SLC12A2: variants seen among roughly 807,000 people sequenced by gnomAD.
The protein encoded by SLC12A2 is solute carrier family 12 member 2, also known as Na-K-2Cl cotransporter 1.
Under a neutral mutation model 136.3 loss-of-function variants are expected in SLC12A2, and 67 were observed. The ratio of observed to expected loss-of-function variants is 0.49; its 90% CI spans 0.40 to 0.60. SLC12A2 has a LOEUF of 0.60. SLC12A2 is among the 20% of genes least tolerant of loss of function. The pLI, the probability that SLC12A2 is intolerant of heterozygous loss-of-function variation, is 0.00. For synonymous variants in SLC12A2, 619 were observed against 562.9 expected, an observed-to-expected ratio of 1.10 and a Z score of -1.41; for missense variants, 1,322 against 1,534.7, an observed-to-expected ratio of 0.86 and a Z score of 2.32.
chr5:128,152,831 A>T (rs370152725), intron 15 of SLC12A2, 26 bp downstream of exon 15: 3 of 1,362,900 alleles, frequency 2.2e-6, no homozygotes, highest in African/African-American at 2.9e-5. Flanking sequence ...GGAAACATGG[A>T]AGCATTTTCT....
intron 16 of SLC12A2, among the ~76,000 whole-genome samples, chr5:128,161,080 A>G (rs1330646288): frequency 6.6e-6 from 1 of 152,092 alleles, no homozygotes; most frequent in Non-Finnish European, 1.5e-5. Context: ...TTATTTTTAG[A>G]TTTTTGTTTT....
chr5:128,138,447 C>G (rs760193051), intron 7 of SLC12A2, 150 bp from the exon 8 acceptor site: 13 of 636,882 alleles, frequency 2.0e-5, no homozygotes, highest in Admixed American at 3.1e-5. Flanking sequence ...AAAAGAACAC[C>G]AAATACTTGA....
At chr5:128,150,778 T>C (rs1462752781) in intron 13 of SLC12A2, among the ~76,000 whole-genome samples, 1 of 151,892 alleles carries the variant, frequency 6.6e-6, no homozygotes, top group Non-Finnish European at 1.5e-5. Context: ...TTAGTTTTTC[T>C]AGCAAGTTGA....
chr5:128,145,875 A>G (rs879452665), intron 10 of SLC12A2, among the ~76,000 whole-genome samples: 11 of 152,040 alleles, frequency 7.2e-5, no homozygotes, highest in Non-Finnish European at 1.6e-4. Flanking sequence ...CTTAGTCAAT[A>G]TAAATGAAAG....
chr5:128,084,356 A>G lies in SLC12A2; in HGVS notation c.402A>G (p.Glu134=), dbSNP rs779257608. 15 of 1,596,504 alleles carry G rather than the reference A, an allele frequency of 9.4e-6. No homozygotes were observed. In the South Asian group the frequency reaches 1.6e-4, roughly 17 times the overall value. ...GESEPAKGSE[E]AKGRFRVNFV... The stretch of plus-strand genomic sequence containing the variant: ...GCGAGCCGGCTAAAGGCAGCGAGGA[A>G]GCCAAGGGCCGCTTCCGCGTGAACT... Residue 134 remains glutamate (E), a synonymous_variant, in exon 1 of 27, where the codon GAA becomes GAG. Coordinates refer to ENST00000262461, the MANE Select transcript of SLC12A2 (RefSeq NM_001046.3). The surrounding 1 kb of genome is among the most constrained non-coding windows in gnomAD (Gnocchi z 5.6).
At chr5:128,110,420 C>T in intron 1 of SLC12A2, 1 of 1,088,532 alleles carries the variant, frequency 9.2e-7, no homozygotes. Context: ...GAGGGCAAGA[C>T]AGCCGCAAAG....
At chr5:128,090,818 G>A (rs1226802934) in intron 1 of SLC12A2, among the ~76,000 whole-genome samples, 1 of 152,168 alleles carries the variant, frequency 6.6e-6, no homozygotes, top group African/African-American at 2.4e-5. Context: ...TGGAGAGACA[G>A]GGAGGTCAGC....
chr5:128,155,349 A>T (rs1179513182), intron 15 of SLC12A2, among the ~76,000 whole-genome samples: 1 of 152,142 alleles, frequency 6.6e-6, no homozygotes, highest in Non-Finnish European at 1.5e-5. Flanking sequence ...GATGTCTTTC[A>T]TCTACGTATG....
At chr5:128,156,962 G>A (rs1762888979) in intron 15 of SLC12A2, among the ~76,000 whole-genome samples, 2 of 152,126 alleles carry the variant, frequency 1.3e-5, no homozygotes, top group African/African-American at 4.8e-5. Context: ...AGGAGTTAAT[G>A]TAACTTGCTA....
chr5:128,162,155 C>G (rs374271450), intron 17 of SLC12A2, among the ~76,000 whole-genome samples: 2 of 152,004 alleles, frequency 1.3e-5, no homozygotes, highest in South Asian at 2.1e-4. Flanking sequence ...TTGATAAGCA[C>G]AGGGTTAAGA....
At chr5:128,151,069 A>G (rs538946071) in intron 13 of SLC12A2, among the ~76,000 whole-genome samples, 172 bp from the exon 14 acceptor site, 63 of 152,160 alleles carry the variant, frequency 4.1e-4, no homozygotes, top group Non-Finnish European at 7.5e-4. Flanking sequence ...GTCAAATTCA[A>G]TTGTGATCAA....
chr5:128,088,429 T>G (rs148669533), intron 1 of SLC12A2, among the ~76,000 whole-genome samples: 3 of 152,350 alleles, frequency 2.0e-5, no homozygotes, highest in African/African-American at 7.2e-5. Context: ...ACAAAGTATT[T>G]GATGGACATC....
At position 128,186,563 on chromosome 5, in the gene SLC12A2, T is replaced by C; in HGVS notation, c.3571T>C (p.Ser1191Pro). The C allele has an allele frequency of 6.2e-7, 1 of 1,613,846 alleles. No homozygotes were observed. Among genetic ancestry groups the C allele is most frequent in the Non-Finnish European group, 8.5e-7 (1 of 1,179,930 alleles). ...ALYMAWLEAL[S>P]KDLPPILLVR... Reference sequence around the variant, plus strand: ...CTACATGGCATGGTTAGAAGCTCTATCTAAGGACCTACCACCAATCCTCCT... The same window carrying C: ...CTACATGGCATGGTTAGAAGCTCTACCTAAGGACCTACCACCAATCCTCCT... Residue 1191 changes from serine to proline, a missense_variant, in exon 27 of 27, where the codon TCT becomes CCT. Physicochemically the swap from Ser to Pro is moderately conservative, Grantham distance 74. Around this residue, in one of 8 missense-constraint regions of SLC12A2, gnomAD observed 172 missense variants for 227.4 expected, o/e 0.76. Transcript: ENST00000262461.
intron 20 of SLC12A2, among the ~76,000 whole-genome samples, chr5:128,176,889 G>T (rs1176342891): frequency 6.6e-6 from 1 of 152,020 alleles, no homozygotes; most frequent in Non-Finnish European, 1.5e-5. Flanking sequence ...ATTTAGGGGT[G>T]TTAGTCATCC....
intron 15 of SLC12A2, 111 bp downstream of exon 15, chr5:128,152,916 A>T: frequency 9.2e-6 from 6 of 649,368 alleles, no homozygotes; most frequent in South Asian, 6.3e-5. Flanking sequence ...GGTCTTGGGC[A>T]GTTTAATTAT....
At chr5:128,158,426 C>T (rs1012443505) in intron 16 of SLC12A2, among the ~76,000 whole-genome samples, 5 of 152,142 alleles carry the variant, frequency 3.3e-5, no homozygotes, top group African/African-American at 1.2e-4. Context: ...ATGTTTAGCT[C>T]CCACTTAGAA....
At chr5:128,151,758 T>G (rs1387086658) in intron 14 of SLC12A2, among the ~76,000 whole-genome samples, 1 of 152,150 alleles carries the variant, frequency 6.6e-6, no homozygotes, top group Non-Finnish European at 1.5e-5. Context: ...AGTAGCTGTA[T>G]AGCCTAATAA....
intron 1 of SLC12A2, 103 bp from the exon 2 acceptor site, chr5:128,112,711 T>C (rs1307556449): frequency 1.2e-6 from 1 of 813,068 alleles, no homozygotes; most frequent in African/African-American, 1.7e-5. Context: ...ATCTGTACTA[T>C]GCCCTCTTAA....
At chr5:128,113,023 C>CT in intron 2 of SLC12A2, 90 bp downstream of exon 2, 2 of 1,111,700 alleles carry the variant, frequency 1.8e-6, no homozygotes, top group East Asian at 2.7e-5. Context: ...CAAGAGAACT[C>CT]TTTTTTTCTC....
Sources: gnomAD v4.1 joint callset for allele counts (sites outside exome capture counted in the v4.1 genomes callset) on GRCh38, gnomAD v4.1.1 for gene constraint, gnomAD v4.1.1 regional missense constraint, Gnocchi (gnomAD v3.1) non-coding constraint, MANE v1.5 for transcripts, NCBI Gene and HGNC (gene_info 2026-07-23, HGNC 2026-07-21) for gene names.